The following TRIM5 variants were observed in gnomAD, a reference collection of about 807,000 sequenced individuals.
The protein encoded by TRIM5 is tripartite motif containing 5.
In TRIM5, 31 loss-of-function variants were observed where a neutral mutation model predicts 35.6. The ratio of observed to expected loss-of-function variants is 0.87; its 90% CI spans 0.65 to 1.18. TRIM5 has a LOEUF of 1.18. Among genes scored for constraint, TRIM5 ranks in the 50% most tolerant of loss-of-function variants. TRIM5 has a pLI of 0.00. For missense variants in TRIM5, 609 were observed against 591.6 expected, an observed-to-expected ratio of 1.03 and a Z score of -0.31; for synonymous variants, 243 against 215.6, an observed-to-expected ratio of 1.13 and a Z score of -1.11.
the TRIM5 span, chr11:5,610,630 T>C: frequency 1.3e-6 from 2 of 1,583,990 alleles, no homozygotes; most frequent in South Asian, 1.2e-5. Flanking sequence ...TCCCCAGACA[T>C]AGCCACACAG....
chr11:5,638,450 C>T, the TRIM5 span, among the ~76,000 whole-genome samples: 49,722 of 152,034 alleles, frequency 0.33, 9,127 homozygotes, highest in East Asian at 0.62. Context: ...TATGCTAATA[C>T]AGAGAGCAAA....
At chr11:5,602,941 G>A in the TRIM5 span, among the ~76,000 whole-genome samples, 1 of 152,110 alleles carries the variant, frequency 6.6e-6, no homozygotes, top group Non-Finnish European at 1.5e-5. Flanking sequence ...GTGACAGAGT[G>A]AGTCTCCATC....
At chr11:5,643,429 G>C in the TRIM5 span, 1 of 1,614,104 alleles carries the variant, frequency 6.2e-7, no homozygotes, top group Non-Finnish European at 8.5e-7. Context: ...CCTCTATTTG[G>C]CTACTGGGTT....
At chr11:5,651,505 G>A in the TRIM5 span, among the ~76,000 whole-genome samples, 2 of 152,216 alleles carry the variant, frequency 1.3e-5, no homozygotes, top group East Asian at 3.9e-4. Context: ...AGCATTCCAT[G>A]GTGTATAGGT....
chr11:5,684,563 T>C (rs1442059470), intron 1 of TRIM5, among the ~76,000 whole-genome samples: 4 of 152,150 alleles, frequency 2.6e-5, no homozygotes, highest in Non-Finnish European at 5.9e-5. Flanking sequence ...ATTAAATCAT[T>C]AGGATTCCAA....
chr11:5,675,483 C>T (rs1361149589), intron 4 of TRIM5, among the ~76,000 whole-genome samples: 3 of 151,876 alleles, frequency 2.0e-5, no homozygotes, highest in African/African-American at 7.3e-5. Context: ...GAGGAGAAGC[C>T]AATGTATGAG....
chr11:5,639,063 A>C, the TRIM5 span, among the ~76,000 whole-genome samples: 2 of 152,090 alleles, frequency 1.3e-5, no homozygotes, highest in African/African-American at 4.8e-5. Flanking sequence ...CTTAATCTTA[A>C]ATGGGCCCTG....
At chr11:5,634,625 T>G in the TRIM5 span, 1 of 1,609,638 alleles carries the variant, frequency 6.2e-7, no homozygotes, top group Non-Finnish European at 8.5e-7. Flanking sequence ...TTGTCCATCC[T>G]TGCAGTATCA....
the TRIM5 span, chr11:5,626,783 G>A: frequency 6.6e-6 from 1 of 152,050 alleles, no homozygotes; most frequent in African/African-American, 2.4e-5. Context: ...TCGGGAGGCT[G>A]AGGCAGGAGA....
chr11:5,609,779 C>T, the TRIM5 span, among the ~76,000 whole-genome samples: 5 of 152,154 alleles, frequency 3.3e-5, no homozygotes, highest in Middle Eastern at 0.01. Context: ...GAAAATTAGC[C>T]AGGCGTGGTG....
At chr11:5,634,023 C>G in the TRIM5 span, 1 of 1,029,264 alleles carries the variant, frequency 9.7e-7, no homozygotes, top group South Asian at 1.7e-5. Context: ...TAGTTCTCTT[C>G]TCTGTCCTGT....
the TRIM5 span, among the ~76,000 whole-genome samples, chr11:5,602,392 G>A: frequency 2.6e-5 from 4 of 151,868 alleles, no homozygotes; most frequent in East Asian, 3.9e-4. Flanking sequence ...GCAGTGAGTC[G>A]AGATCACGCC....
At chr11:5,610,234 G>A in the TRIM5 span, 94 of 1,614,160 alleles carry the variant, frequency 5.8e-5, no homozygotes, top group South Asian at 3.7e-4. Context: ...AGGATGCTGC[G>A]AGTGTGTAGA....
the TRIM5 span, among the ~76,000 whole-genome samples, chr11:5,630,488 T>C: frequency 8.5e-5 from 13 of 152,234 alleles, no homozygotes; most frequent in African/African-American, 2.9e-4. Context: ...TCTAGGCTCA[T>C]GTGAGGCCAA....
chr11:5,649,330 C>T, the TRIM5 span, among the ~76,000 whole-genome samples: 1 of 152,190 alleles, frequency 6.6e-6, no homozygotes, highest in Non-Finnish European at 1.5e-5. Context: ...CGATTTCTAC[C>T]TGATGGAGTG....
At chr11:5,635,389 G>T in the TRIM5 span, among the ~76,000 whole-genome samples, 3 of 151,654 alleles carry the variant, frequency 2.0e-5, no homozygotes, top group African/African-American at 7.3e-5. Flanking sequence ...CGAGTAGCTG[G>T]GACTACAGGC....
At chr11:5,661,499 TG>T (rs2134002642), downstream of TRIM5, among the ~76,000 whole-genome samples, 1 of 152,232 alleles carries the variant, frequency 6.6e-6, no homozygotes, top group South Asian at 2.1e-4. Context: ...AAGCAATCCC[TG>T]TTTTTTTTCA....
At chr11:5,589,539 G>A in the TRIM5 span, 1 of 152,056 alleles carries the variant, frequency 6.6e-6, no homozygotes, top group African/African-American at 2.4e-5. Context: ...ACACCATCTT[G>A]CTGATTCTCT....
chr11:5,617,935 C>T, the TRIM5 span, among the ~76,000 whole-genome samples: 1 of 151,916 alleles, frequency 6.6e-6, no homozygotes, highest in Non-Finnish European at 1.5e-5. Flanking sequence ...ACCTACAAAA[C>T]AGGGCAGCAA....
Sources: allele counts gnomAD v4.1 joint callset (sites outside exome capture counted in the v4.1 genomes callset), GRCh38; gene constraint gnomAD v4.1.1; transcripts MANE v1.5; gene names NCBI Gene and HGNC (gene_info 2026-07-23, HGNC 2026-07-21).